AGBL1: variants seen among roughly 807,000 people sequenced by gnomAD.
AGBL1 encodes the protein cytosolic carboxypeptidase 4.
A neutral mutation model predicts 118.9 loss-of-function variants in AGBL1; 130 were observed. The observed-to-expected ratio is 1.09, with a 90% confidence interval of 0.95 to 1.26. The LOEUF (loss-of-function observed/expected upper bound fraction) is 1.26. Among genes scored for constraint, AGBL1 ranks in the 50% most tolerant of loss-of-function variants. The probability of loss-of-function intolerance (pLI) is 0.00; values close to 1 mark genes in which losing one functional copy is unlikely to be tolerated. For synonymous variants in AGBL1, 555 were observed against 478.9 expected, an observed-to-expected ratio of 1.16 and a Z score of -2.08; for missense variants, 1,584 against 1,298.1, an observed-to-expected ratio of 1.22 and a Z score of -3.38.
At chr15:86,786,815 T>A (rs1400518152) in intron 22 of AGBL1, among the ~76,000 whole-genome samples, 1 of 152,218 alleles carries the variant, frequency 6.6e-6, no homozygotes, top group Non-Finnish European at 1.5e-5. Flanking sequence ...AATTTATGCA[T>A]GTGTTATTAA....
chr15:86,808,516 C>G (rs768049344), intron 22 of AGBL1, among the ~76,000 whole-genome samples: 32 of 152,192 alleles, frequency 2.1e-4, no homozygotes, highest in Admixed American at 1.4e-3. Context: ...AGATGAAAAA[C>G]TGATTTTTAC....
intron 5 of AGBL1, among the ~76,000 whole-genome samples, chr15:86,202,363 TTTCTCAC>T (rs1388325663): frequency 6.6e-6 from 1 of 152,170 alleles, no homozygotes; most frequent in Non-Finnish European, 1.5e-5. Flanking sequence ...ATGACCCTAT[TTTCTCAC>T]TTCTTCCTTT....
At chr15:86,716,833 G>A (rs1005870272) in intron 22 of AGBL1, among the ~76,000 whole-genome samples, 1 of 152,182 alleles carries the variant, frequency 6.6e-6, no homozygotes, top group African/African-American at 2.4e-5. Context: ...CAAATGAGGT[G>A]GGGAGGTTAA....
At chr15:86,298,317 G>A (rs1461132069) in intron 17 of AGBL1, among the ~76,000 whole-genome samples, 1 of 78,790 alleles carries the variant, frequency 1.3e-5, no homozygotes, top group Non-Finnish European at 2.7e-5. Context: ...ATATATATAG[G>A]TAACTATATA....
chr15:86,214,676 A>G (rs2078156077), intron 5 of AGBL1, among the ~76,000 whole-genome samples: 1 of 152,194 alleles, frequency 6.6e-6, no homozygotes. Context: ...GGGGATTCCC[A>G]AAAGCTTTTG....
At chr15:86,685,462 G>A (rs2086037426) in intron 22 of AGBL1, among the ~76,000 whole-genome samples, 1 of 152,118 alleles carries the variant, frequency 6.6e-6, no homozygotes, top group Non-Finnish European at 1.5e-5. Context: ...AGTTTATGAT[G>A]ACTTAGCATT....
rs756313941 is a variant in AGBL1, at chr15:86,196,879, G to GCGCGCGCGCA, written c.489-28034_489-28033insGCGCGCGCAC. 6.4e-3 allele frequency among the ~76,000 whole-genome samples: 750 copies of GCGCGCGCGCA among 116,940 alleles called. 7 individuals are homozygous for GCGCGCGCGCA. The highest frequency in any genetic ancestry group is 0.021 in the African/African-American group (573 of 27,610). The allele number at this position is 116,940 out of a possible 152,430, so 76.7% of individuals were successfully genotyped here. ...CGAATGTGCACATGTGCGCGCGCGC[G>GCGCGCGCGCA]CACACACACACACACACACACACAC... On this transcript the variant is annotated intron_variant, in intron 5 of 22. Transcript: ENST00000614907.
At chr15:86,935,935 C>T (rs1359078275) in intron 23 of AGBL1, among the ~76,000 whole-genome samples, 3 of 152,220 alleles carry the variant, frequency 2.0e-5, no homozygotes, top group East Asian at 1.9e-4. Flanking sequence ...ACAAAAGATT[C>T]GCAACTGCAG....
intron 17 of AGBL1, among the ~76,000 whole-genome samples, chr15:86,333,803 G>T (rs2080314377): frequency 6.6e-6 from 1 of 152,170 alleles, no homozygotes; most frequent in African/African-American, 2.4e-5. Context: ...CTAGCAAGCT[G>T]AACCCAGAAG....
chr15:87,010,469 T>C (rs1191782767), intron 24 of AGBL1, among the ~76,000 whole-genome samples: 2 of 152,118 alleles, frequency 1.3e-5, no homozygotes, highest in African/African-American at 2.4e-5. Flanking sequence ...GATGAGTGCA[T>C]CCAATCAGCT....
At chr15:86,778,366 C>A (rs1199409467) in intron 22 of AGBL1, among the ~76,000 whole-genome samples, 1 of 152,082 alleles carries the variant, frequency 6.6e-6, no homozygotes, top group Non-Finnish European at 1.5e-5. Context: ...ACCAGTCTGA[C>A]CAAAATTTAT....
At chr15:87,020,935 G>T (rs2081658214) in intron 24 of AGBL1, among the ~76,000 whole-genome samples, 1 of 152,002 alleles carries the variant, frequency 6.6e-6, no homozygotes, top group Admixed American at 6.6e-5. Context: ...GTAATTTATA[G>T]ATTCAATGCT....
intron 21 of AGBL1, among the ~76,000 whole-genome samples, chr15:86,573,986 T>C (rs1567065346): frequency 6.6e-6 from 1 of 152,118 alleles, no homozygotes; most frequent in Non-Finnish European, 1.5e-5. Flanking sequence ...AACATTTTCA[T>C]AAACTTTATT....
intron 18 of AGBL1, among the ~76,000 whole-genome samples, chr15:86,470,386 G>A (rs2082464313): frequency 6.6e-6 from 1 of 152,052 alleles, no homozygotes; most frequent in African/African-American, 2.4e-5. Flanking sequence ...GTAATTGCAT[G>A]GATTAATTTC....
intron 22 of AGBL1, among the ~76,000 whole-genome samples, chr15:86,791,730 A>T (rs201351161): frequency 8.9e-4 from 43 of 48,238 alleles, no homozygotes; most frequent in Non-Finnish European, 1.6e-3. Context: ...CTTGTTTTTT[A>T]TATATATATA....
intron 22 of AGBL1, among the ~76,000 whole-genome samples, chr15:86,718,550 T>A (rs1204278309): frequency 1.3e-5 from 2 of 152,026 alleles, no homozygotes; most frequent in African/African-American, 4.8e-5. Flanking sequence ...AAAAAAACCA[T>A]CCTGTGTTGA....
intron 1 of AGBL1, among the ~76,000 whole-genome samples, chr15:86,112,897 T>C (rs1897484928): frequency 6.6e-6 from 1 of 152,266 alleles, no homozygotes; most frequent in Non-Finnish European, 1.5e-5. Context: ...TCTACTTTTG[T>C]AAATTGCCTG....
At chr15:86,083,578 G>T (rs752761933) in intron 1 of AGBL1, 1 of 152,094 alleles carries the variant, frequency 6.6e-6, no homozygotes. Flanking sequence ...TTATGAATGA[G>T]GCTGCAGGAT....
At chr15:86,209,306 G>A (rs1020635047) in intron 5 of AGBL1, among the ~76,000 whole-genome samples, 12 of 152,170 alleles carry the variant, frequency 7.9e-5, no homozygotes, top group African/African-American at 2.9e-4. Flanking sequence ...ACTTGGGGTG[G>A]AGAGTTCTGT....
Sources: allele counts gnomAD v4.1 joint callset (sites outside exome capture counted in the v4.1 genomes callset), GRCh38; gene constraint gnomAD v4.1.1; transcripts MANE v1.5; gene names NCBI Gene and HGNC (gene_info 2026-07-23, HGNC 2026-07-21).